The following MCEE variants were observed in gnomAD, a reference collection of about 807,000 sequenced individuals.
The protein encoded by MCEE is methylmalonyl-CoA epimerase, mitochondrial.
Under a neutral mutation model 12.9 loss-of-function variants are expected in MCEE, and 6 were observed. The ratio of observed to expected loss-of-function variants is 0.47; its 90% CI spans 0.26 to 0.92. MCEE has a LOEUF of 0.92. Among genes scored for constraint, MCEE ranks in the 40% least tolerant of loss-of-function variants. The pLI, the probability that MCEE is intolerant of heterozygous loss-of-function variation, is 0.16. For missense variants in MCEE, 214 were observed against 212.1 expected (o/e 1.01, Z -0.05); for synonymous variants, 78 against 77.9 (o/e 1.00, Z -0.01).
intron 1 of MCEE, among the ~76,000 whole-genome samples, chr2:71,129,311 G>T (rs543097003): frequency 6.6e-6 from 1 of 152,084 alleles, no homozygotes; most frequent in East Asian, 1.9e-4. Flanking sequence ...ATAGTTTTAC[G>T]TTCCTATCTT....
chr2:71,130,161 G>A lies in MCEE; in HGVS notation c.40+19C>T. 6.2e-7 allele frequency: 1 copy of A among 1,606,790 alleles called. No individual in the cohort carries two copies. Among genetic ancestry groups the A allele is most frequent in the Non-Finnish European group, 8.5e-7 (1 of 1,177,402 alleles). ...CGCTCCCTGTCCCATGGCGAAGGTC[G>A]CCGGTGCCCGGTATTCACCTACGGC... On this transcript the variant is annotated intron_variant, in intron 1 of 2. Coordinates refer to ENST00000244217, the MANE Select transcript of MCEE (RefSeq NM_032601.4).
At chr2:71,116,607 T>C in intron 2 of MCEE, among the ~76,000 whole-genome samples, 1 of 147,316 alleles carries the variant, frequency 6.8e-6, no homozygotes, top group Non-Finnish European at 1.5e-5. Context: ...AATGCAGTGG[T>C]GCGATCTCAG....
chr2:71,129,407 A>T (rs1673314857), intron 1 of MCEE, among the ~76,000 whole-genome samples: 1 of 152,108 alleles, frequency 6.6e-6, no homozygotes, highest in African/African-American at 2.4e-5. Flanking sequence ...GTCCCGGAGT[A>T]ACTCTGGGGC....
intron 2 of MCEE, among the ~76,000 whole-genome samples, chr2:71,123,776 G>A (rs1673151031): frequency 6.6e-6 from 1 of 152,160 alleles, no homozygotes; most frequent in Non-Finnish European, 1.5e-5. Context: ...TAACGAAGAA[G>A]TTATTAGCAT....
intron 1 of MCEE, among the ~76,000 whole-genome samples, chr2:71,127,393 G>T (rs1403603323): frequency 6.6e-6 from 1 of 152,184 alleles, no homozygotes; most frequent in African/African-American, 2.4e-5. Flanking sequence ...ATACTCAAAT[G>T]CATTAAGAGT....
chr2:71,125,226 T>TTTTTTTTA (rs1673200186), intron 1 of MCEE, among the ~76,000 whole-genome samples: 1 of 135,282 alleles, frequency 7.4e-6, no homozygotes, highest in African/African-American at 2.6e-5. Context: ...TTTTTTTTTT[T>TTTTTTTTA]GAGACGGAGT....
At chr2:71,110,429 G>A (rs928918155) in intron 2 of MCEE, among the ~76,000 whole-genome samples, 1 of 152,194 alleles carries the variant, frequency 6.6e-6, no homozygotes, top group Non-Finnish European at 1.5e-5. Context: ...CTATTAGTGA[G>A]ATTGAAGACA....
intron 2 of MCEE, among the ~76,000 whole-genome samples, chr2:71,115,488 T>A (rs1672973182): frequency 7.0e-6 from 1 of 142,300 alleles, no homozygotes; most frequent in Admixed American, 6.7e-5. Flanking sequence ...ACCATATTTA[T>A]CCTTCTGTTA....
intron 1 of MCEE, chr2:71,129,882 G>T: frequency 1.8e-6 from 1 of 543,254 alleles, no homozygotes; most frequent in Non-Finnish European, 3.3e-6. Context: ...TCCCTGCCCT[G>T]CCTGACCTGC....
At position 71,124,303 on chromosome 2, in the gene MCEE, G is replaced by A; in HGVS notation, c.281C>T (p.Thr94Ile). The change falls in exon 2 of 3, where the codon ACC becomes ATC. Residue 94 changes from threonine (T) to isoleucine (I), a missense_variant. Physicochemically the swap from Thr to Ile is moderately conservative, Grantham distance 89. Coordinates refer to ENST00000244217, the MANE Select transcript of MCEE (RefSeq NM_032601.4). ...CAATGGATGAAGCAGTTCCATCTTGGTATTTCCCAGGTTGACAAAAACAAC... is the reference window on the plus strand; with the variant it reads ...CAATGGATGAAGCAGTTCCATCTTGATATTTCCCAGGTTGACAAAAACAAC... ...VSVVFVNLGN[T>I]KMELLHPLGR... The A allele has an allele frequency of 6.2e-7, 1 of 1,614,092 alleles. No homozygotes were observed. Among genetic ancestry groups the A allele is most frequent in the Non-Finnish European group, 8.5e-7 (1 of 1,179,982 alleles).
chr2:71,121,400 A>C (rs1225777084), intron 2 of MCEE, among the ~76,000 whole-genome samples: 2 of 152,228 alleles, frequency 1.3e-5, no homozygotes, highest in Non-Finnish European at 2.9e-5. Context: ...TATTAGACTG[A>C]AAACAGAAAA....
rs1256154908 is a variant in MCEE at position 71,117,909 on chromosome 2, T to C, written c.378+6297A>G. On this transcript the variant is annotated intron_variant, in intron 2 of 2. Transcript: ENST00000244217. ...TCCCTCAGCCTCAGCACTGCACTCA[T>C]CACCCTCCATGTGCTCCAACCGTGG... 4.7e-5 allele frequency among the ~76,000 whole-genome samples: 7 copies of C among 149,862 alleles called. No individual in the cohort carries two copies. In the South Asian group the frequency reaches 1.0e-3, roughly 22 times the overall value.
At chr2:71,112,625 T>G (rs1327019929) in intron 2 of MCEE, among the ~76,000 whole-genome samples, 5 of 147,534 alleles carry the variant, frequency 3.4e-5, no homozygotes, top group East Asian at 2.0e-4. Context: ...TAGTAGAGAC[T>G]GGGTTTCACC....
rs374514566 is a variant in MCEE at position 71,116,408 on chromosome 2, C to T, written c.379-6286G>A. 1.4e-4 allele frequency among the ~76,000 whole-genome samples: 21 copies of T among 149,882 alleles called. 3 individuals are homozygous for T. The highest frequency in any genetic ancestry group is 5.3e-4 in the African/African-American group (21 of 39,514). On this transcript the variant is annotated intron_variant, in intron 2 of 2. Transcript: ENST00000244217. ...CACTTCAACTTCTTACCAGCTATTTCCTTTTTCTTTCTTTCTTTCTTTTTT... is the reference window on the plus strand; with the variant it reads ...CACTTCAACTTCTTACCAGCTATTTTCTTTTTCTTTCTTTCTTTCTTTTTT...
intron 1 of MCEE, among the ~76,000 whole-genome samples, chr2:71,125,542 C>T (rs1287041770): frequency 6.6e-6 from 1 of 151,860 alleles, no homozygotes; most frequent in Non-Finnish European, 1.5e-5. Context: ...GGGGTTTCAC[C>T]ATGTTGGTCA....
intron 2 of MCEE, chr2:71,118,504 A>AT (rs1673039350): frequency 6.7e-6 from 1 of 150,006 alleles, no homozygotes; most frequent in South Asian, 2.1e-4. Context: ...AAAAACAGAA[A>AT]TTTGTCAGTT....
Position 71,124,467 on chromosome 2 carries a change from T to C in MCEE, c.117A>G (p.Thr39=), listed in dbSNP as rs1673176800. The C allele has an allele frequency of 7.4e-6, 12 of 1,614,184 alleles. No individual in the cohort carries two copies. Among genetic ancestry groups the C allele is most frequent in the Middle Eastern group, 1.6e-4 (1 of 6,062 alleles). ...GTCGACCCAGGTTCCACACAGAACCTGTCACTTGATCCAAGGGCTGTGATG... is the reference window on the plus strand; with the variant it reads ...GTCGACCCAGGTTCCACACAGAACCCGTCACTTGATCCAAGGGCTGTGATG... The part of the protein sequence containing the change: ...SSTSQPLDQV[T]GSVWNLGRLN... The change falls in exon 2 of 3, where the codon ACA becomes ACG. Residue 39 remains threonine, a synonymous_variant. Coordinates refer to ENST00000244217, the MANE Select transcript of MCEE (RefSeq NM_032601.4).
At chr2:71,123,138 G>A (rs1246392973) in intron 2 of MCEE, among the ~76,000 whole-genome samples, 1 of 152,174 alleles carries the variant, frequency 6.6e-6, no homozygotes, top group Non-Finnish European at 1.5e-5. Flanking sequence ...TTGCAATAAT[G>A]AACTGAATAC....
At chr2:71,127,473 A>G (rs1438422697) in intron 1 of MCEE, among the ~76,000 whole-genome samples, 1 of 152,232 alleles carries the variant, frequency 6.6e-6, no homozygotes, top group Non-Finnish European at 1.5e-5. Flanking sequence ...AATCACTTGT[A>G]ATAGGTTTTT....
Sources: gnomAD v4.1 joint callset for allele counts (sites outside exome capture counted in the v4.1 genomes callset) on GRCh38, gnomAD v4.1.1 for gene constraint, MANE v1.5 for transcripts, NCBI Gene and HGNC (gene_info 2026-07-23, HGNC 2026-07-21) for gene names.